Variants in IL17RA observed in about 807,000 individuals in gnomAD.
The protein encoded by IL17RA is interleukin-17 receptor A.
Under a neutral mutation model 50.4 loss-of-function variants are expected in IL17RA, and 34 were observed. The ratio of observed to expected loss-of-function variants is 0.67; its 90% confidence interval spans 0.51 to 0.90. The LOEUF (loss-of-function observed/expected upper bound fraction) is 0.90, where lower values mean the gene tolerates loss of function less well. IL17RA is among the 40% of genes least tolerant of loss of function. IL17RA has a pLI of 0.00. For missense variants in IL17RA, 1,276 were observed against 1,169.8 expected (o/e 1.09, Z -1.32); for synonymous variants, 585 against 510.4 (o/e 1.15, Z -1.97).
In IL17RA at chr22:17,105,877, G is replaced by A; in HGVS notation, c.968G>A (p.Trp323Ter). The change falls in exon 11 of 13, where the codon TGG (tryptophan) becomes TAG (stop). Residue 323 changes from tryptophan to a stop codon, truncating the protein, a stop_gained. Transcript: ENST00000319363. LOFTEE classifies it high-confidence loss of function. ...IPDYMPLWVY[W>*]FITGISILLV... ...GACTACATGCCCCTGTGGGTGTACT[G>A]GTTCATCACGGGCATCTCCATCCTG... 1 of 1,614,064 alleles carries A rather than the reference G, an allele frequency of 6.2e-7. No homozygotes were observed. The highest frequency in any genetic ancestry group is 1.3e-5 in the African/African-American group (1 of 75,050).
At position 17,102,326 on chromosome 22, in the gene IL17RA, T is replaced by C; in HGVS notation, c.762+24T>C. On this transcript the variant is annotated intron_variant, in intron 7 of 12. Transcript: ENST00000319363. ...CGGTAACTCTGCTCTTTTTGACCCC[T>C]CTAGCATAGCTCAGGACCACCCCTC... 4 of 1,613,570 alleles carry C rather than the reference T, an allele frequency of 2.5e-6. No individual in the cohort carries two copies. The South Asian group carries it at 3.3e-5, about 13-fold the overall frequency.
chr22:17,093,411 C>T (rs2061354590), intron 1 of IL17RA, among the ~76,000 whole-genome samples: 1 of 152,120 alleles, frequency 6.6e-6, no homozygotes, highest in East Asian at 1.9e-4. Context: ...CTTAATTCTC[C>T]CTGCCCCTAA....
rs2123813626 is a variant in IL17RA, at chr22:17,109,684, G to A, written c.2465G>A (p.Gly822Glu). The part of the protein sequence containing the change: ...EEEEEEEQDP[G>E]KPALPLSPED... ...GAGGAGGAAGAGGAGCAGGACCCAG[G>A]GAAGCCGGCCCTGCCACTCTCTCCC... Residue 822 changes from glycine (G) to glutamate (E), a missense_variant, in exon 13 of 13, where the codon GGG (glycine) becomes GAG (glutamate). Physicochemically the swap from Gly to Glu is moderately conservative, Grantham distance 98. Coordinates refer to ENST00000319363, the MANE Select transcript of IL17RA (RefSeq NM_014339.7). 6.3e-7 allele frequency: 1 copy of A among 1,587,966 alleles called. No individual in the cohort carries two copies. The highest frequency in any genetic ancestry group is 8.6e-7 in the Non-Finnish European group (1 of 1,168,542).
chr22:17,109,096 A>AGCCTGGCTCCCAGGCCT lies in IL17RA; in HGVS notation c.1885_1901dup (p.Ile635ProfsTer7). The AGCCTGGCTCCCAGGCCT allele has an allele frequency of 6.4e-7, 1 of 1,563,316 alleles. No homozygotes were observed. Among genetic ancestry groups the AGCCTGGCTCCCAGGCCT allele is most frequent in the East Asian group, 2.3e-5 (1 of 43,310 alleles). On this transcript the variant is annotated frameshift_variant, in exon 13 of 13. Transcript: ENST00000319363. LOFTEE classifies it low-confidence loss of function (END_TRUNC). Reference sequence around the variant, plus strand: ...GTGAAGCGGGCGCCCCTGGTGCGCGAGCCTGGCTCCCAGGCCTGCCTGGCC... The same window carrying AGCCTGGCTCCCAGGCCT: ...GTGAAGCGGGCGCCCCTGGTGCGCGAGCCTGGCTCCCAGGCCTGCCTGGCTCCCAGGCCTGCCTGGCC...
rs990617336 is a variant in IL17RA, at chr22:17,109,205, G to A, written c.1986G>A (p.Pro662=). ...PHLQPRGQPA[P]QPLHTLVLAA... ...TGCAGCCCCGGGGTCAGCCAGCGCCGCAGCCCCTCCACACCCTGGTGCTCG... is the reference window on the plus strand; with the variant it reads ...TGCAGCCCCGGGGTCAGCCAGCGCCACAGCCCCTCCACACCCTGGTGCTCG... The change falls in exon 13 of 13, where the codon CCG becomes CCA. Residue 662 remains proline, a synonymous_variant. Coordinates refer to ENST00000319363, the MANE Select transcript of IL17RA (RefSeq NM_014339.7). 2.2e-5 allele frequency: 33 copies of A among 1,507,084 alleles called. No homozygotes were observed. The highest frequency in any genetic ancestry group is 5.5e-5 in the African/African-American group (4 of 72,444). The allele number at this position is 1,507,084 out of a possible 1,614,324, so 93.4% of individuals were successfully genotyped here.
At chr22:17,098,233 T>C (rs912850026) in intron 3 of IL17RA, among the ~76,000 whole-genome samples, 3 of 152,218 alleles carry the variant, frequency 2.0e-5, no homozygotes, top group African/African-American at 4.8e-5. Context: ...GTGACTACAG[T>C]ACCAAAAATG....
At chr22:17,099,869 G>A (rs544892075) in intron 4 of IL17RA, among the ~76,000 whole-genome samples, 7 of 152,278 alleles carry the variant, frequency 4.6e-5, no homozygotes, top group African/African-American at 1.2e-4. Flanking sequence ...AGGGTGAGTG[G>A]GGGTCTCTAG....
rs2061445428 is a variant in IL17RA at position 17,112,092 on chromosome 22, C to T, written c.*2272C>T. ...GCATTCTGTGACCTTTCCCTAGCTTCCAATAAATAACTGTTTGACGCCCAG... is the reference window on the plus strand; with the variant it reads ...GCATTCTGTGACCTTTCCCTAGCTTTCAATAAATAACTGTTTGACGCCCAG... On this transcript the variant is annotated 3_prime_UTR_variant, in exon 13 of 13. Coordinates refer to ENST00000319363, the MANE Select transcript of IL17RA (RefSeq NM_014339.7). 6.6e-6 allele frequency: 1 copy of T among 152,230 alleles called. No individual in the cohort carries two copies. Among genetic ancestry groups the T allele is most frequent in the Non-Finnish European group, 1.5e-5 (1 of 68,076 alleles). 9.4% of individuals were successfully genotyped at this position (152,230 alleles called of 1,614,324 possible).
rs770117131 is a variant in IL17RA, at chr22:17,108,925, C to G, written c.1706C>G (p.Ala569Gly). The G allele has an allele frequency of 1.9e-6, 3 of 1,611,490 alleles. No individual in the cohort carries two copies. Among genetic ancestry groups the G allele is most frequent in the South Asian group, 1.1e-5 (1 of 90,922 alleles). ...LRSPGGRQLR[A>G]ALDRFRDWQV... ...AGCCCGGGCGGCAGGCAGCTCCGCG[C>G]CGCCCTGGACAGGTTCCGGGACTGG... is the stretch of plus-strand genomic sequence containing the variant. The change falls in exon 13 of 13, where the codon GCC (alanine) becomes GGC (glycine). Residue 569 changes from alanine to glycine, a missense_variant. Physicochemically the swap from Ala to Gly is moderately conservative, Grantham distance 60. Transcript: ENST00000319363.
Position 17,111,336 on chromosome 22 carries a change from A to G in IL17RA, c.*1516A>G, listed in dbSNP as rs765626330. On this transcript the variant is annotated 3_prime_UTR_variant, in exon 13 of 13. Coordinates refer to ENST00000319363, the MANE Select transcript of IL17RA (RefSeq NM_014339.7). ...CAGTGGGGAGCTGTTAGCACGTAGG[A>G]TTCTTCAGAGCAGCTGGGCTGGAGC... The G allele has an allele frequency of 5.3e-5, 8 of 152,196 alleles. No individual in the cohort carries two copies. Among genetic ancestry groups the G allele is most frequent in the Non-Finnish European group, 8.8e-5 (6 of 68,064 alleles). 9.4% of individuals were successfully genotyped at this position (152,196 alleles called of 1,614,324 possible). A position where few individuals can be genotyped will look rare whatever the true frequency, so the allele number is the denominator to read the frequency against.
At chr22:17,092,219 G>T (rs1436833467) in intron 1 of IL17RA, among the ~76,000 whole-genome samples, 1 of 152,194 alleles carries the variant, frequency 6.6e-6, no homozygotes, top group African/African-American at 2.4e-5. Flanking sequence ...TTCCTGGAGG[G>T]TGGCACACCT....
chr22:17,112,056 A>AC lies in IL17RA; in HGVS notation c.*2237dup, dbSNP rs2061445250. ...TGGAGAGGGGCTTCGTTGGGTCTGGACACCTACCATGCATTCTGTGACCTT... is the reference window on the plus strand; with the variant it reads ...TGGAGAGGGGCTTCGTTGGGTCTGGACCACCTACCATGCATTCTGTGACCTT... On this transcript the variant is annotated 3_prime_UTR_variant, in exon 13 of 13. Transcript: ENST00000319363. 1 of 152,136 alleles carries AC rather than the reference A, an allele frequency of 6.6e-6. No individual in the cohort carries two copies. Among genetic ancestry groups the AC allele is most frequent in the African/African-American group, 2.4e-5 (1 of 41,398 alleles). 9.4% of individuals were successfully genotyped at this position (152,136 alleles called of 1,614,324 possible). A position where few individuals can be genotyped will look rare whatever the true frequency, so the allele number is the denominator to read the frequency against.
chr22:17,103,152 A>AG (rs894517506), intron 7 of IL17RA, among the ~76,000 whole-genome samples: 2 of 152,214 alleles, frequency 1.3e-5, no homozygotes, highest in Non-Finnish European at 2.9e-5. Flanking sequence ...CTAAAAAAAA[A>AG]GAAATAAAGG....
Position 17,085,398 on chromosome 22 carries a change from G to T in IL17RA, c.138+169G>T, listed in dbSNP as rs146821295. The stretch of plus-strand genomic sequence containing the variant: ...GGGCACAGATATCGCGGCGCCTGGG[G>T]AGGACCCTCGGAGCGGTGGGAGTTG... On this transcript the variant is annotated intron_variant, in intron 1 of 12. Coordinates refer to ENST00000319363, the MANE Select transcript of IL17RA (RefSeq NM_014339.7). The T allele has an allele frequency of 1.1e-3, 998 of 888,262 alleles. 1 individual carries two copies. Among genetic ancestry groups the T allele is most frequent in the Non-Finnish European group, 1.3e-3 (952 of 741,302 alleles). The allele number at this position is 888,262 out of a possible 1,614,324, so 55.0% of individuals were successfully genotyped here.
chr22:17,095,379 T>C (rs2061365042), intron 1 of IL17RA, among the ~76,000 whole-genome samples: 2 of 152,212 alleles, frequency 1.3e-5, no homozygotes, highest in African/African-American at 4.8e-5. Context: ...ATCTCGGGAA[T>C]GAGAGGACAC....
At chr22:17,091,342 T>C (rs576507558) in intron 1 of IL17RA, among the ~76,000 whole-genome samples, 1 of 152,346 alleles carries the variant, frequency 6.6e-6, no homozygotes, top group Non-Finnish European at 1.5e-5. Flanking sequence ...GTGAAAGCAT[T>C]GCTTTATTGC....
chr22:17,105,773 G>T (rs1433411592), intron 10 of IL17RA, 80 bp from the exon 11 acceptor site: 2 of 1,439,006 alleles, frequency 1.4e-6, no homozygotes, highest in Non-Finnish European at 2.0e-6. Context: ...CAGAGCCTGG[G>T]GCTGGGGAGC....
chr22:17,087,468 G>C (rs1396111125), intron 1 of IL17RA, among the ~76,000 whole-genome samples: 2 of 152,216 alleles, frequency 1.3e-5, no homozygotes, highest in Non-Finnish European at 2.9e-5. Flanking sequence ...CTGCACACCT[G>C]GCCTGTTCCT....
intron 1 of IL17RA, among the ~76,000 whole-genome samples, chr22:17,087,091 A>C (rs2061330843): frequency 6.6e-6 from 1 of 152,206 alleles, no homozygotes. Context: ...CACCTGCCTC[A>C]CAGACAGCTC....
Sources: allele counts gnomAD v4.1 joint callset (sites outside exome capture counted in the v4.1 genomes callset), GRCh38; gene constraint gnomAD v4.1.1; transcripts MANE v1.5; gene names NCBI Gene and HGNC (gene_info 2026-07-23, HGNC 2026-07-21).